Variants in CPSF6 observed in about 807,000 individuals in gnomAD.
The protein encoded by CPSF6 is cleavage and polyadenylation specific factor 6, also known as cleavage and polyadenylation specificity factor subunit 6.
CPSF6 carries 10 observed loss-of-function variants against 56.7 expected under a neutral mutation model. The observed-to-expected ratio is 0.18, with a 90% CI of 0.11 to 0.30. CPSF6 has a LOEUF of 0.30. Ranked by LOEUF, CPSF6 falls within the 10% of genes least tolerant of loss-of-function variation. The pLI is 1.00. For synonymous variants in CPSF6, 248 were observed against 244.8 expected (o/e 1.01, Z -0.12); for missense variants, 419 against 722.9 (o/e 0.58, Z 4.82).
At chr12:69,263,513 TA>T (rs746085030) in intron 9 of CPSF6, among the ~76,000 whole-genome samples, 1 of 152,090 alleles carries the variant, frequency 6.6e-6, no homozygotes, top group East Asian at 1.9e-4. Context: ...TAAATTAAAA[TA>T]TTTTTTCTTT....
intron 9 of CPSF6, among the ~76,000 whole-genome samples, chr12:69,268,021 G>A (rs1449386959): frequency 6.6e-6 from 1 of 151,662 alleles, no homozygotes; most frequent in Non-Finnish European, 1.5e-5. Context: ...ATCCCTTCCA[G>A]CGCAACAGAA....
chr12:69,257,691 T>A (rs1872569829), intron 4 of CPSF6, 41 bp from the exon 5 acceptor site: 1 of 1,559,122 alleles, frequency 6.4e-7, no homozygotes, highest in African/African-American at 1.4e-5. Context: ...CAGAAAACTA[T>A]TTTTAATAAG....
intron 1 of CPSF6, among the ~76,000 whole-genome samples, chr12:69,245,127 A>T (rs1178555001): frequency 6.6e-6 from 1 of 151,994 alleles, no homozygotes; most frequent in African/African-American, 2.4e-5. Flanking sequence ...GTAAAAACAA[A>T]AAAGTATAGT....
At chr12:69,246,078 CTT>C (rs1357518755) in intron 1 of CPSF6, among the ~76,000 whole-genome samples, 2 of 152,126 alleles carry the variant, frequency 1.3e-5, no homozygotes, top group Admixed American at 6.5e-5. Flanking sequence ...CAGAACGAGA[CTT>C]TGTCACACAC....
intron 3 of CPSF6, among the ~76,000 whole-genome samples, chr12:69,254,029 T>C (rs191084188): frequency 2.0e-5 from 3 of 152,320 alleles, no homozygotes; most frequent in African/African-American, 7.2e-5. Context: ...GAGAATATTT[T>C]CAAAATATAT....
intron 9 of CPSF6, 89 bp downstream of exon 9, chr12:69,262,651 C>G: frequency 7.8e-7 from 1 of 1,281,886 alleles, no homozygotes. Context: ...TATATACCTA[C>G]ATTTTAAATG....
At chr12:69,266,150 G>A (rs775981862) in intron 9 of CPSF6, among the ~76,000 whole-genome samples, 2 of 152,012 alleles carry the variant, frequency 1.3e-5, no homozygotes, top group African/African-American at 4.8e-5. Flanking sequence ...CCTGGTGAAT[G>A]ATACTGGTTA....
At chr12:69,249,170 C>CGT (rs1872095529) in intron 1 of CPSF6, among the ~76,000 whole-genome samples, 1 of 56,384 alleles carries the variant, frequency 1.8e-5, no homozygotes, top group Non-Finnish European at 3.2e-5. Context: ...GGGGGGGGGG[C>CGT]TGAGGCAGGA....
In CPSF6 at chr12:69,239,600, G is replaced by A. The variant is rs768462893; in HGVS notation, c.-47G>A. The A allele has an allele frequency of 1.8e-5, 27 of 1,530,928 alleles. No homozygotes were observed. Among genetic ancestry groups the A allele is most frequent in the Non-Finnish European group, 2.4e-5 (27 of 1,141,766 alleles). 94.8% of individuals were successfully genotyped at this position (1,530,928 alleles called of 1,614,324 possible). A position where few individuals can be genotyped will look rare whatever the true frequency, so the allele number is the denominator to read the frequency against. On this transcript the variant is annotated 5_prime_UTR_variant, in exon 1 of 10. Transcript: ENST00000435070. Reference sequence around the variant, plus strand: ...TCCGCTGCTGCTGCCGCGGCGGGCAGACCTGCAGGAGGCGGCGGCGGCGGC... The same window carrying A: ...TCCGCTGCTGCTGCCGCGGCGGGCAAACCTGCAGGAGGCGGCGGCGGCGGC...
At chr12:69,239,824 T>C in intron 1 of CPSF6, 118 bp downstream of exon 1, 1 of 877,032 alleles carries the variant, frequency 1.1e-6, no homozygotes, top group Non-Finnish European at 1.5e-6. Flanking sequence ...CCTTGCCGCC[T>C]CTGGGCCGCG....
chr12:69,269,897 T>C lies in CPSF6; in HGVS notation c.*389T>C, dbSNP rs961364263. 4.7e-5 allele frequency: 8 copies of C among 169,012 alleles called. No individual in the cohort carries two copies. Among genetic ancestry groups the C allele is most frequent in the Admixed American group, 3.8e-4 (6 of 15,604 alleles). The allele number at this position is 169,012 out of a possible 1,614,324, so 10.5% of individuals were successfully genotyped here. Reference sequence around the variant, plus strand: ...ATAATGTCTGTAAACAGCATCACTTTGATTACAATAGATGTAGTGTTGTAA... The same window carrying C: ...ATAATGTCTGTAAACAGCATCACTTCGATTACAATAGATGTAGTGTTGTAA... On this transcript the variant is annotated 3_prime_UTR_variant, in exon 10 of 10. Coordinates refer to ENST00000435070, the MANE Select transcript of CPSF6 (RefSeq NM_007007.3).
intron 9 of CPSF6, among the ~76,000 whole-genome samples, chr12:69,267,007 T>G (rs1873021283): frequency 6.6e-6 from 1 of 152,078 alleles, no homozygotes; most frequent in Admixed American, 6.5e-5. Flanking sequence ...TAGAGTTAAC[T>G]CATATGTAGA....
chr12:69,261,815 A>G (rs1249202413), intron 8 of CPSF6, among the ~76,000 whole-genome samples: 5 of 152,226 alleles, frequency 3.3e-5, no homozygotes, highest in Non-Finnish European at 7.3e-5. Flanking sequence ...CAATGTGAAT[A>G]CTATATCTAT....
intron 1 of CPSF6, among the ~76,000 whole-genome samples, chr12:69,247,075 A>G (rs964744736): frequency 1.2e-4 from 19 of 152,212 alleles, no homozygotes; most frequent in African/African-American, 4.6e-4. Context: ...GGTATACAGT[A>G]TGTATCGTAT....
rs145943341 is a variant in CPSF6, at chr12:69,267,747, A to G, written c.*4-1765A>G. On this transcript the variant is annotated intron_variant, in intron 9 of 9. Coordinates refer to ENST00000435070, the MANE Select transcript of CPSF6 (RefSeq NM_007007.3). Reference sequence around the variant, plus strand: ...TAAAAACTGCTAGACTATCCCCCATATTTTATGTCTGTATGGTGAAAATTA... The same window carrying G: ...TAAAAACTGCTAGACTATCCCCCATGTTTTATGTCTGTATGGTGAAAATTA... Among the ~76,000 whole-genome samples, 12 of 152,010 alleles carry G rather than the reference A, an allele frequency of 7.9e-5. No homozygotes were observed. In the East Asian group the frequency reaches 1.9e-3, roughly 24 times the overall value.
Position 69,259,073 on chromosome 12 carries a change from G to A in CPSF6, c.1178G>A (p.Gly393Asp). 1 of 1,601,996 alleles carries A rather than the reference G, an allele frequency of 6.2e-7. No individual in the cohort carries two copies. The highest frequency in any genetic ancestry group is 8.5e-7 in the Non-Finnish European group (1 of 1,179,596). ...PYGRPPPYDR[G>D]DYGPPGREMD... The stretch of plus-strand genomic sequence containing the variant: ...GGGCGACCTCCACCATATGATAGGG[G>A]TGACTATGGCCCCCCTGGAAGGTAA... Residue 393 changes from glycine (G) to aspartate (D), a missense_variant, in exon 6 of 10, where the codon GGT (glycine) becomes GAT (aspartate). Physicochemically the swap from Gly to Asp is moderately conservative, Grantham distance 94. This residue lies in a region of CPSF6 where 211 missense variants were observed against 296.0 expected (regional missense o/e 0.71). Transcript: ENST00000435070.
intron 1 of CPSF6, among the ~76,000 whole-genome samples, chr12:69,246,146 A>T (rs765119023): frequency 6.6e-6 from 1 of 152,204 alleles, no homozygotes; most frequent in Non-Finnish European, 1.5e-5. Flanking sequence ...AGTAGTTGGA[A>T]CAAAGAATTC....
At chr12:69,257,697 A>G (rs761273783) in intron 4 of CPSF6, 35 bp from the exon 5 acceptor site, 63 of 1,569,052 alleles carry the variant, frequency 4.0e-5, no homozygotes, top group African/African-American at 8.3e-5. Context: ...ACTATTTTTA[A>G]TAAGTGCTAT....
rs954123340 is a variant in CPSF6, at chr12:69,270,218, C to G, written c.*710C>G. 1.2e-4 allele frequency: 18 copies of G among 152,046 alleles called. No homozygotes were observed. The highest frequency in any genetic ancestry group is 1.1e-3 in the Admixed American group (17 of 15,212). 9.4% of individuals were successfully genotyped at this position (152,046 alleles called of 1,614,324 possible). Reference sequence around the variant, plus strand: ...TTTCTAGCTGTTTTTACCTAGTTAGCTTGTGACTTTGCTGAATGGTATGTA... The same window carrying G: ...TTTCTAGCTGTTTTTACCTAGTTAGGTTGTGACTTTGCTGAATGGTATGTA... On this transcript the variant is annotated 3_prime_UTR_variant, in exon 10 of 10. Transcript: ENST00000435070.
Sources: gnomAD v4.1 joint callset for allele counts (sites outside exome capture counted in the v4.1 genomes callset) on GRCh38, gnomAD v4.1.1 for gene constraint, gnomAD v4.1.1 regional missense constraint, MANE v1.5 for transcripts, NCBI Gene and HGNC (gene_info 2026-07-23, HGNC 2026-07-21) for gene names.